CHST9: variants seen among roughly 807,000 people sequenced by gnomAD.
CHST9 encodes the protein carbohydrate sulfotransferase 9, also known as GalNAc-4-sulfotransferase 2.
CHST9 carries 41 observed loss-of-function variants against 44.4 expected under a neutral mutation model. The observed-to-expected ratio is 0.92, with a 90% CI of 0.72 to 1.20. CHST9 has a LOEUF of 1.20. Among genes scored for constraint, CHST9 ranks in the 50% most tolerant of loss-of-function variants. CHST9 has a pLI of 0.00. For synonymous variants in CHST9, 171 were observed against 178.4 expected (o/e 0.96, Z 0.33); for missense variants, 504 against 516.5 (o/e 0.98, Z 0.23).
rs535359144 is a variant in CHST9, at chr18:27,178,428, T to C, written c.-97+6708A>G. The stretch of plus-strand genomic sequence containing the variant: ...GGGAAGAAATCTAAGAAAAAATATC[T>C]CACAATTTGATAAATTCAAGATGGT... On this transcript the variant is annotated intron_variant, in intron 1 of 5. Coordinates refer to ENST00000618847, the MANE Select transcript of CHST9 (RefSeq NM_031422.6). Among the ~76,000 whole-genome samples, 6 of 152,128 alleles carry C rather than the reference T, an allele frequency of 3.9e-5. No homozygotes were observed. In the South Asian group the frequency reaches 1.0e-3, roughly 26 times the overall value.
At chr18:26,918,627 A>G (rs1027115718) in intron 5 of CHST9, among the ~76,000 whole-genome samples, 6 of 152,118 alleles carry the variant, frequency 3.9e-5, no homozygotes, top group Non-Finnish European at 5.9e-5. Context: ...TATTTGTGGA[A>G]TGAACAAGTG....
In CHST9 at chr18:27,013,042, T is replaced by A. The variant is rs560780298; in HGVS notation, c.202+11074A>T. Among the ~76,000 whole-genome samples the A allele has an allele frequency of 1.3e-3, 200 of 152,330 alleles. 10 individuals carry two copies. The highest frequency in any genetic ancestry group is 0.013 in the Admixed American group (196 of 15,290). ...CTGTCAAACTGGTGCAGTGGAGTCC[T>A]GCCTTCCAGATCTAATTCTTTCATT... is the stretch of plus-strand genomic sequence containing the variant. On this transcript the variant is annotated intron_variant, in intron 4 of 5. Transcript: ENST00000618847.
Position 26,913,710 on chromosome 18 carries a change from T to G in CHST9, c.*2549A>C, listed in dbSNP as rs1027118791. On this transcript the variant is annotated 3_prime_UTR_variant, in exon 6 of 6. Transcript: ENST00000618847. ...TGGTCACTTGCCTTTAGGAATTAAA[T>G]TCATGAAATTGTGATGGTCCTAAAG... The G allele has an allele frequency of 6.6e-6, 1 of 152,220 alleles. No homozygotes were observed. Among genetic ancestry groups the G allele is most frequent in the Admixed American group, 6.5e-5 (1 of 15,280 alleles). 9.4% of individuals were successfully genotyped at this position (152,220 alleles called of 1,614,324 possible). A position where few individuals can be genotyped will look rare whatever the true frequency, so the allele number is the denominator to read the frequency against.
rs2055378188 is a variant in CHST9, at chr18:26,906,825, G to C, written c.*9434C>G. On this transcript the variant is annotated 3_prime_UTR_variant, in exon 6 of 6. Coordinates refer to ENST00000618847, the MANE Select transcript of CHST9 (RefSeq NM_031422.6). ...TTAGGGATTAGGAAGTGTTGGGGAG[G>C]TGAAGGGGGGTAGGTGGGTGCCCTA... 1 of 152,284 alleles carries C rather than the reference G, an allele frequency of 6.6e-6. No homozygotes were observed. The highest frequency in any genetic ancestry group is 6.5e-5 in the Admixed American group (1 of 15,278). 9.4% of individuals were successfully genotyped at this position (152,284 alleles called of 1,614,324 possible). A position where few individuals can be genotyped will look rare whatever the true frequency, so the allele number is the denominator to read the frequency against.
intron 2 of CHST9, among the ~76,000 whole-genome samples, chr18:27,053,248 A>AGAAGAAGAAGAAGAAGAAGAG: frequency 9.4e-6 from 1 of 106,144 alleles, no homozygotes; most frequent in African/African-American, 3.5e-5. Flanking sequence ...AAGAAGAAGA[A>AGAAGAAGAAGAAGAAGAAGAG]GAAGAAGAAG....
chr18:27,115,658 G>A (rs1485676697), intron 2 of CHST9, among the ~76,000 whole-genome samples: 1 of 152,096 alleles, frequency 6.6e-6, no homozygotes, highest in Non-Finnish European at 1.5e-5. Context: ...GGTACCACAT[G>A]TGCATGCCAC....
chr18:27,104,251 C>A (rs2143759937), intron 2 of CHST9, among the ~76,000 whole-genome samples: 1 of 152,278 alleles, frequency 6.6e-6, no homozygotes, highest in East Asian at 1.9e-4. Flanking sequence ...TGAATATATT[C>A]AAATACATAG....
intron 4 of CHST9, among the ~76,000 whole-genome samples, chr18:26,969,186 T>C (rs2056505717): frequency 6.6e-6 from 1 of 152,086 alleles, no homozygotes; most frequent in South Asian, 2.1e-4. Context: ...GTACTTTTAG[T>C]GGAGACGGGG....
intron 4 of CHST9, among the ~76,000 whole-genome samples, chr18:26,964,507 A>G (rs2056440052): frequency 6.6e-6 from 1 of 152,198 alleles, no homozygotes; most frequent in African/African-American, 2.4e-5. Context: ...CCCAGCTTAC[A>G]GTTATGGAAG....
At chr18:26,925,994 G>C (rs2055760536) in intron 5 of CHST9, 2 of 152,126 alleles carry the variant, frequency 1.3e-5, no homozygotes, top group Non-Finnish European at 2.9e-5. Flanking sequence ...TAAGACACTT[G>C]AGAGACAGAA....
intron 2 of CHST9, among the ~76,000 whole-genome samples, chr18:27,123,567 G>T (rs1192463655): frequency 2.6e-5 from 4 of 152,186 alleles, no homozygotes; most frequent in African/African-American, 9.6e-5. Context: ...AGAGAAGTCT[G>T]GGGAGGGCTA....
At chr18:27,059,995 C>T (rs2143609007) in intron 2 of CHST9, among the ~76,000 whole-genome samples, 1 of 152,264 alleles carries the variant, frequency 6.6e-6, no homozygotes, top group South Asian at 2.1e-4. Flanking sequence ...AAGACTATCC[C>T]CCATAAACTT....
intron 2 of CHST9, among the ~76,000 whole-genome samples, chr18:27,131,079 T>C (rs1598745123): frequency 6.6e-6 from 1 of 152,098 alleles, no homozygotes; most frequent in East Asian, 1.9e-4. Context: ...TAGAAGTGAG[T>C]ATCCTAGAGA....
intron 1 of CHST9, among the ~76,000 whole-genome samples, chr18:27,180,020 A>G (rs1466421835): frequency 6.6e-6 from 1 of 152,130 alleles, no homozygotes; most frequent in Non-Finnish European, 1.5e-5. Context: ...CATTTGCAAA[A>G]TATCATACTT....
rs9955546 is a variant in CHST9 at position 27,062,989 on chromosome 18, G to C, written c.122-14486C>G. On this transcript the variant is annotated intron_variant, in intron 2 of 5. Transcript: ENST00000618847. ...AGGGCTCTGACACCTCACCTGGTAG[G>C]TCTCTTGCCTCAGGCCCAGCAATTA... Among the ~76,000 whole-genome samples the C allele has an allele frequency of 6.2e-3, 945 of 152,108 alleles. 16 individuals carry two copies. The highest frequency in any genetic ancestry group is 0.022 in the African/African-American group (898 of 41,500).
intron 3 of CHST9, among the ~76,000 whole-genome samples, chr18:27,025,632 T>A (rs2057277438): frequency 6.6e-6 from 1 of 152,142 alleles, no homozygotes; most frequent in Admixed American, 6.6e-5. Context: ...AATATCTGCA[T>A]TTTGGAGGCA....
At chr18:27,097,459 CTCTT>C (rs1171256954) in intron 2 of CHST9, among the ~76,000 whole-genome samples, 1 of 152,008 alleles carries the variant, frequency 6.6e-6, no homozygotes, top group African/African-American at 2.4e-5. Flanking sequence ...CCAACTATCT[CTCTT>C]TGTAGACAAC....
rs754678636 is a variant in CHST9, at chr18:26,917,268, A to AAGAGCCTAG, written c.314_322dup (p.Leu107_Leu108insSerArgLeu). The AAGAGCCTAG allele has an allele frequency of 1.4e-5, 23 of 1,613,710 alleles. No homozygotes were observed. Among genetic ancestry groups the AAGAGCCTAG allele is most frequent in the Non-Finnish European group, 1.7e-5 (20 of 1,179,802 alleles). On this transcript the variant is annotated inframe_insertion, in exon 6 of 6. Transcript: ENST00000618847. The stretch of plus-strand genomic sequence containing the variant: ...TCCTTGTGAATGACTGGTCTTTGTT[A>AAGAGCCTAG]AGAGCCTAGTAGATCTCTCAGAATT...
Position 26,917,102 on chromosome 18 carries a change from G to A in CHST9, c.489C>T (p.Val163=). The A allele has an allele frequency of 6.2e-7, 1 of 1,613,806 alleles. No individual in the cohort carries two copies. The change falls in exon 6 of 6, where the codon GTC becomes GTT. Residue 163 remains valine (V), a synonymous_variant. Coordinates refer to ENST00000618847, the MANE Select transcript of CHST9 (RefSeq NM_031422.6). Reference sequence around the variant, plus strand: ...CAGTTTTCTTCCATTTATTATCTTTGACTAAACTTTTGTTTAAAGGGTGAA... The same window carrying A: ...CAGTTTTCTTCCATTTATTATCTTTAACTAAACTTTTGTTTAAAGGGTGAA... ...VDIHPLNKSL[V]KDNKWKKTEE...
Sources: allele counts gnomAD v4.1 joint callset (sites outside exome capture counted in the v4.1 genomes callset), GRCh38; gene constraint gnomAD v4.1.1; transcripts MANE v1.5; gene names NCBI Gene and HGNC (gene_info 2026-07-23, HGNC 2026-07-21).